CAMTA1: variants seen among roughly 807,000 people sequenced by gnomAD.
The protein encoded by CAMTA1 is calmodulin-binding transcription activator 1.
In CAMTA1, 27 loss-of-function variants were observed where a neutral mutation model predicts 170.9. The ratio of observed to expected loss-of-function variants is 0.16; its 90% CI spans 0.12 to 0.22. The LOEUF (loss-of-function observed/expected upper bound fraction) is 0.22, where lower values mean the gene tolerates loss of function less well. Ranked by LOEUF, CAMTA1 falls within the 10% of genes least tolerant of loss-of-function variation. CAMTA1 has a pLI of 1.00. For missense variants in CAMTA1, 1,619 were observed against 2,217.2 expected (o/e 0.73, Z 5.42); for synonymous variants, 833 against 891.5 (o/e 0.93, Z 1.17).
intron 3 of CAMTA1, among the ~76,000 whole-genome samples, chr1:7,071,018 G>T (rs80208115): frequency 0.044 from 6,755 of 152,300 alleles, 197 homozygotes; most frequent in South Asian, 0.082. Flanking sequence ...GGCTTGCTTG[G>T]AGGCCCACAG....
chr1:7,318,354 C>CTGGG (rs1349123829), intron 5 of CAMTA1, among the ~76,000 whole-genome samples: 1 of 152,188 alleles, frequency 6.6e-6, no homozygotes, highest in African/African-American at 2.4e-5. Flanking sequence ...AGTCTCTCTC[C>CTGGG]TGGGTGGTTA....
intron 6 of CAMTA1, among the ~76,000 whole-genome samples, chr1:7,530,855 G>A (rs533440132): frequency 2.4e-4 from 29 of 119,840 alleles, no homozygotes; most frequent in East Asian, 1.1e-3. Context: ...TGCTCTTGTC[G>A]CCCAGGCTAG....
In CAMTA1 at chr1:7,299,383, G is replaced by A. The variant is rs1452076366; in HGVS notation, c.438+49757G>A. Among the ~76,000 whole-genome samples, 9 of 152,210 alleles carry A rather than the reference G, an allele frequency of 5.9e-5. No homozygotes were observed. The highest frequency in any genetic ancestry group is 1.0e-4 in the Non-Finnish European group (7 of 68,034). On this transcript the variant is annotated intron_variant, in intron 5 of 22. Coordinates refer to ENST00000303635, the MANE Select transcript of CAMTA1 (RefSeq NM_015215.4). The surrounding 1 kb of genome is among the most constrained non-coding windows in gnomAD (Gnocchi z 4.7). Reference sequence around the variant, plus strand: ...CTGTCAGCAGTTTCTCCCCCTTAATGTAATGCTGTATGTGACTCAATATGA... The same window carrying A: ...CTGTCAGCAGTTTCTCCCCCTTAATATAATGCTGTATGTGACTCAATATGA...
intron 1 of CAMTA1, among the ~76,000 whole-genome samples, chr1:6,818,887 C>T (rs1415819805): frequency 4.0e-5 from 6 of 151,426 alleles, no homozygotes; most frequent in African/African-American, 7.3e-5. Flanking sequence ...ATAATCCACC[C>T]GCATTGGCTC....
chr1:7,153,581 G>C (rs905595442), intron 4 of CAMTA1, among the ~76,000 whole-genome samples: 1 of 152,072 alleles, frequency 6.6e-6, no homozygotes, highest in Non-Finnish European at 1.5e-5. Context: ...GACAAGCAGA[G>C]TATGCAAGGA....
chr1:7,471,321 C>T (rs72642860), intron 6 of CAMTA1, among the ~76,000 whole-genome samples: 7,002 of 152,338 alleles, frequency 0.046, 261 homozygotes, highest in South Asian at 0.12. Context: ...GGCACTAGAG[C>T]CCATGTGGCC....
intron 5 of CAMTA1, among the ~76,000 whole-genome samples, chr1:7,347,952 T>C (rs1159005076): frequency 6.6e-6 from 1 of 152,202 alleles, no homozygotes; most frequent in South Asian, 2.1e-4. Flanking sequence ...GAGGTTAGGA[T>C]GTGGACGTAT....
intron 11 of CAMTA1, among the ~76,000 whole-genome samples, chr1:7,730,233 C>T (rs1004544323): frequency 2.6e-5 from 4 of 152,206 alleles, no homozygotes; most frequent in African/African-American, 9.7e-5. Context: ...TTTTATATGG[C>T]AGAGCCAGGG....
In CAMTA1 at chr1:7,682,054, G is replaced by A. The variant is rs1282146509; in HGVS notation, c.2914+4321G>A. 6.7e-6 allele frequency among the ~76,000 whole-genome samples: 1 copy of A among 149,390 alleles called. No individual in the cohort carries two copies. Among genetic ancestry groups the A allele is most frequent in the Non-Finnish European group, 1.5e-5 (1 of 67,782 alleles). On this transcript the variant is annotated intron_variant, in intron 11 of 22. Coordinates refer to ENST00000303635, the MANE Select transcript of CAMTA1 (RefSeq NM_015215.4). This position sits in a 1 kb window ranked among gnomAD's most constrained non-coding sequence, Gnocchi z 5.0. ...CGCTTAGACTTAGACTCTATTTTCA[G>A]TGCTTCTCAGGCAACTGAGCCTCCT...
chr1:7,551,046 A>G (rs577473338), intron 6 of CAMTA1, among the ~76,000 whole-genome samples: 1 of 152,280 alleles, frequency 6.6e-6, no homozygotes, highest in East Asian at 1.9e-4. Context: ...ACCTCATTGA[A>G]AGGTCTGGGA....
Position 7,065,548 on chromosome 1 carries a change from G to T in CAMTA1, c.235-25756G>T, listed in dbSNP as rs973655933. On this transcript the variant is annotated intron_variant, in intron 3 of 22. Transcript: ENST00000303635. The surrounding 1 kb of genome is among the most constrained non-coding windows in gnomAD (Gnocchi z 5.2). ...CTTTAGGAGTGAGGTCCTGGAGGAG[G>T]GGACAGGAGATGGGATCCAGGGCGC... Among the ~76,000 whole-genome samples the T allele has an allele frequency of 3.9e-5, 6 of 152,168 alleles. No individual in the cohort carries two copies. The highest frequency in any genetic ancestry group is 1.2e-4 in the African/African-American group (5 of 41,432).
chr1:7,647,707 G>A (rs899134508), intron 7 of CAMTA1, among the ~76,000 whole-genome samples: 1 of 152,196 alleles, frequency 6.6e-6, no homozygotes, highest in African/African-American at 2.4e-5. Flanking sequence ...TGGCTGGCTG[G>A]GGACGGCGGG....
chr1:7,388,207 A>G (rs2088235195), intron 5 of CAMTA1: 1 of 152,158 alleles, frequency 6.6e-6, no homozygotes, highest in African/African-American at 2.4e-5. Context: ...GCTTTAATGG[A>G]TGGTGCTGCA....
intron 5 of CAMTA1, among the ~76,000 whole-genome samples, chr1:7,328,454 C>G (rs1470752410): frequency 6.6e-6 from 1 of 152,128 alleles, no homozygotes; most frequent in Non-Finnish European, 1.5e-5. Context: ...GAGATCCTGT[C>G]ACTGCACTCC....
chr1:7,724,572 C>A (rs1289824493), intron 11 of CAMTA1, among the ~76,000 whole-genome samples: 2 of 152,152 alleles, frequency 1.3e-5, no homozygotes, highest in Non-Finnish European at 2.9e-5. Context: ...GTGGCTCACG[C>A]CTGTAATCCT....
chr1:7,138,418 T>C (rs1645668482), intron 4 of CAMTA1, among the ~76,000 whole-genome samples: 1 of 152,238 alleles, frequency 6.6e-6, no homozygotes, highest in African/African-American at 2.4e-5. Context: ...TTAAATATGA[T>C]GACTAAAAAG....
chr1:7,557,059 G>A (rs2094888357), intron 6 of CAMTA1, among the ~76,000 whole-genome samples: 1 of 152,076 alleles, frequency 6.6e-6, no homozygotes, highest in African/African-American at 2.4e-5. Flanking sequence ...TGTAATCCCA[G>A]CACTTGGGGA....
At chr1:7,498,844 GTGTA>G (rs1292519189) in intron 6 of CAMTA1, among the ~76,000 whole-genome samples, 133 of 132,496 alleles carry the variant, frequency 1.0e-3, no homozygotes, top group African/African-American at 3.4e-3. Context: ...TGGTGTGCGT[GTGTA>G]TGTATGAGTG....
intron 4 of CAMTA1, among the ~76,000 whole-genome samples, chr1:7,118,290 C>CTTTT (rs58318758): frequency 6.2e-5 from 7 of 112,506 alleles, no homozygotes; most frequent in African/African-American, 7.3e-5. Context: ...TCTTGGCATC[C>CTTTT]TTTTTTTTTT....
Sources: gnomAD v4.1 joint callset for allele counts (sites outside exome capture counted in the v4.1 genomes callset) on GRCh38, gnomAD v4.1.1 for gene constraint, Gnocchi (gnomAD v3.1) non-coding constraint, MANE v1.5 for transcripts, NCBI Gene and HGNC (gene_info 2026-07-23, HGNC 2026-07-21) for gene names.